The following ZNF385B variants were observed in gnomAD, a reference collection of about 807,000 sequenced individuals.
The protein encoded by ZNF385B is zinc finger protein 385B.
In ZNF385B, 23 loss-of-function variants were observed where a neutral mutation model predicts 39.2. The ratio of observed to expected loss-of-function variants is 0.59; its 90% CI spans 0.42 to 0.83. ZNF385B has a LOEUF of 0.83. Ranked by LOEUF, ZNF385B falls within the 40% of genes least tolerant of loss-of-function variation. ZNF385B has a pLI of 0.00. For synonymous variants in ZNF385B, 205 were observed against 222.6 expected (o/e 0.92, Z 0.70); for missense variants, 552 against 598.9 (o/e 0.92, Z 0.82).
At chr2:179,647,119 C>T (rs1692787412) in intron 3 of ZNF385B, among the ~76,000 whole-genome samples, 1 of 152,164 alleles carries the variant, frequency 6.6e-6, no homozygotes, top group Non-Finnish European at 1.5e-5. Flanking sequence ...CCAACAGCTG[C>T]AAACTTCTAT....
chr2:179,617,195 A>G (rs1689824854), intron 3 of ZNF385B, among the ~76,000 whole-genome samples: 2 of 152,212 alleles, frequency 1.3e-5, no homozygotes, highest in South Asian at 2.1e-4. Context: ...AGCTCTGTCA[A>G]ATAGAAGACT....
At chr2:179,792,277 G>C (rs1377477518) in intron 1 of ZNF385B, among the ~76,000 whole-genome samples, 1 of 150,820 alleles carries the variant, frequency 6.6e-6, no homozygotes, top group Non-Finnish European at 1.5e-5. Flanking sequence ...TTTTATTATA[G>C]TTACCATTTG....
chr2:179,601,739 T>G (rs1269419379), intron 3 of ZNF385B, among the ~76,000 whole-genome samples: 1 of 152,196 alleles, frequency 6.6e-6, no homozygotes, highest in Non-Finnish European at 1.5e-5. Context: ...ACAAATATTC[T>G]TTGAGGTCAA....
intron 4 of ZNF385B, among the ~76,000 whole-genome samples, chr2:179,533,332 G>C (rs1399217535): frequency 1.3e-5 from 2 of 152,186 alleles, no homozygotes; most frequent in East Asian, 1.9e-4. Context: ...AAGACTGGTA[G>C]ATTTATCTGC....
intron 5 of ZNF385B, among the ~76,000 whole-genome samples, chr2:179,483,856 C>G (rs529391380): frequency 6.6e-6 from 1 of 152,140 alleles, no homozygotes; most frequent in African/African-American, 2.4e-5. Flanking sequence ...CTGTTTGCCA[C>G]GTGTCTACTT....
intron 5 of ZNF385B, among the ~76,000 whole-genome samples, chr2:179,498,298 CA>C (rs35151841): frequency 2.0e-5 from 3 of 150,628 alleles, no homozygotes; most frequent in East Asian, 2.0e-4. Flanking sequence ...GAACAGACCA[CA>C]AAAAAACTAC....
At chr2:179,852,400 C>A (rs1459894172) in intron 1 of ZNF385B, among the ~76,000 whole-genome samples, 1 of 152,112 alleles carries the variant, frequency 6.6e-6, no homozygotes, top group Non-Finnish European at 1.5e-5. Context: ...GTCATGGAGG[C>A]AAAGGTGAAA....
chr2:179,527,433 A>T (rs2105843805), intron 4 of ZNF385B, among the ~76,000 whole-genome samples: 1 of 152,208 alleles, frequency 6.6e-6, no homozygotes, highest in Admixed American at 6.5e-5. Context: ...TATTCCATTG[A>T]CAGAAAGGAT....
At chr2:179,763,094 G>A (rs1703495205) in intron 3 of ZNF385B, among the ~76,000 whole-genome samples, 1 of 152,022 alleles carries the variant, frequency 6.6e-6, no homozygotes, top group African/African-American at 2.4e-5. Flanking sequence ...TAATAGAGGT[G>A]GAGTTTCACC....
intron 3 of ZNF385B, among the ~76,000 whole-genome samples, chr2:179,698,016 GA>G (rs1698898466): frequency 6.6e-6 from 1 of 152,124 alleles, no homozygotes; most frequent in South Asian, 2.1e-4. Flanking sequence ...ACAGGGTGGG[GA>G]ACATCATACA....
chr2:179,545,482 C>T (rs2060174654), intron 3 of ZNF385B, among the ~76,000 whole-genome samples: 1 of 151,688 alleles, frequency 6.6e-6, no homozygotes, highest in Non-Finnish European at 1.5e-5. Flanking sequence ...TCAACTTGTT[C>T]TCTTAAAAAA....
intron 1 of ZNF385B, among the ~76,000 whole-genome samples, chr2:179,784,988 A>G (rs770104378): frequency 8.5e-5 from 13 of 152,130 alleles, no homozygotes; most frequent in Non-Finnish European, 1.6e-4. Flanking sequence ...CATATTCACT[A>G]TAATGTTCAT....
chr2:179,745,872 T>C (rs1278695312), intron 3 of ZNF385B: 4 of 1,301,310 alleles, frequency 3.1e-6, no homozygotes, highest in East Asian at 2.9e-5. Context: ...CACCACGTTA[T>C]ATCAGTGCCG....
intron 3 of ZNF385B, among the ~76,000 whole-genome samples, chr2:179,724,178 G>A (rs1199048645): frequency 4.0e-5 from 6 of 151,886 alleles, no homozygotes; most frequent in East Asian, 1.9e-4. Context: ...GCATGGTGGC[G>A]GGCGCCTGCA....
At chr2:179,744,605 G>C (rs1023734337) in intron 3 of ZNF385B, among the ~76,000 whole-genome samples, 1 of 151,998 alleles carries the variant, frequency 6.6e-6, no homozygotes, top group Admixed American at 6.6e-5. Flanking sequence ...AGAGGTTCTC[G>C]AGCCTTCTAT....
chr2:179,689,999 C>T (rs151224931), intron 3 of ZNF385B, among the ~76,000 whole-genome samples: 2 of 152,266 alleles, frequency 1.3e-5, no homozygotes, highest in East Asian at 3.9e-4. Context: ...TTGATTCCAG[C>T]ATTGCTAGTC....
chr2:179,816,006 A>T (rs1224941442), intron 1 of ZNF385B, among the ~76,000 whole-genome samples: 1 of 150,906 alleles, frequency 6.6e-6, no homozygotes, highest in Non-Finnish European at 1.5e-5. Flanking sequence ...TACATATAAC[A>T]CACACACACA....
intron 1 of ZNF385B, among the ~76,000 whole-genome samples, chr2:179,802,953 C>T (rs529375688): frequency 5.9e-5 from 9 of 152,214 alleles, no homozygotes; most frequent in African/African-American, 2.2e-4. Context: ...TAAAAAAACG[C>T]AATAGCTAAG....
chr2:179,504,827 A>G (rs1207512752), intron 5 of ZNF385B, among the ~76,000 whole-genome samples: 1 of 151,764 alleles, frequency 6.6e-6, no homozygotes, highest in African/African-American at 2.4e-5. Flanking sequence ...AAAAAAAAAA[A>G]CCAGATCTCA....
Sources: gnomAD v4.1 joint callset for allele counts (sites outside exome capture counted in the v4.1 genomes callset) on GRCh38, gnomAD v4.1.1 for gene constraint, MANE v1.5 for transcripts, NCBI Gene and HGNC (gene_info 2026-07-23, HGNC 2026-07-21) for gene names.